The following WWOX variants were observed in gnomAD, a reference collection of about 807,000 sequenced individuals.
WWOX encodes WW domain containing oxidoreductase.
A neutral mutation model predicts 46.2 loss-of-function variants in WWOX; 69 were observed. The ratio of observed to expected loss-of-function variants is 1.49; its 90% confidence interval spans 1.23 to 1.82. WWOX has a LOEUF of 1.82. Ranked by LOEUF, WWOX falls within the 40% of genes most tolerant of loss-of-function variation. WWOX has a pLI of 0.00. For synonymous variants in WWOX, 359 were observed against 202.6 expected (o/e 1.77, Z -6.56); for missense variants, 919 against 542.6 (o/e 1.69, Z -6.89).
intron 8 of WWOX, chr16:78,896,617 C>G (rs1439083271): frequency 6.6e-6 from 1 of 152,102 alleles, no homozygotes; most frequent in East Asian, 1.9e-4. Flanking sequence ...TTGATGTACT[C>G]AGATAGTAAT....
chr16:78,650,470 C>A (rs537072991), intron 8 of WWOX, among the ~76,000 whole-genome samples: 50 of 152,274 alleles, frequency 3.3e-4, no homozygotes, highest in African/African-American at 1.2e-3. Flanking sequence ...ATGACATCAG[C>A]CTGCCCATGC....
At chr16:78,259,691 A>C (rs2151835466) in intron 5 of WWOX, among the ~76,000 whole-genome samples, 1 of 151,670 alleles carries the variant, frequency 6.6e-6, no homozygotes, top group East Asian at 1.9e-4. Flanking sequence ...AGAAGTGGGC[A>C]TTCTAATATA....
chr16:79,088,447 G>A (rs540788164), intron 8 of WWOX, among the ~76,000 whole-genome samples: 1 of 152,322 alleles, frequency 6.6e-6, no homozygotes, highest in South Asian at 2.1e-4. Flanking sequence ...TGGGCAGCCT[G>A]ATGAGCACAG....
intron 8 of WWOX, among the ~76,000 whole-genome samples, chr16:79,013,247 A>C (rs1459320689): frequency 6.6e-6 from 1 of 152,080 alleles, no homozygotes; most frequent in Non-Finnish European, 1.5e-5. Flanking sequence ...CACAGGGTCG[A>C]GAGTGAATGC....
At chr16:78,207,801 T>G (rs2036442621) in intron 5 of WWOX, among the ~76,000 whole-genome samples, 1 of 151,744 alleles carries the variant, frequency 6.6e-6, no homozygotes, top group South Asian at 2.1e-4. Context: ...CAACCATGCT[T>G]TTTTATTTTA....
intron 8 of WWOX, among the ~76,000 whole-genome samples, chr16:79,123,139 G>A (rs148186890): frequency 3.3e-4 from 51 of 152,240 alleles, no homozygotes; most frequent in African/African-American, 1.2e-3. Flanking sequence ...GTTTGGGTAG[G>A]GAAGCAACAG....
intron 4 of WWOX, among the ~76,000 whole-genome samples, chr16:78,137,134 C>T (rs970823969): frequency 5.9e-5 from 9 of 152,190 alleles, no homozygotes; most frequent in Non-Finnish European, 8.8e-5. Flanking sequence ...GAGATCCCTT[C>T]ACCCAGAAAG....
intron 8 of WWOX, among the ~76,000 whole-genome samples, chr16:79,007,610 C>T (rs140626638): frequency 1.3e-5 from 2 of 152,198 alleles, no homozygotes; most frequent in Non-Finnish European, 2.9e-5. Flanking sequence ...TTTGCAGAAG[C>T]TAAGCACTTT....
At position 78,835,327 on chromosome 16, in the gene WWOX, A is replaced by C. The variant is rs915997442; in HGVS notation, c.1057-376281A>C. 4.6e-5 allele frequency among the ~76,000 whole-genome samples: 7 copies of C among 152,226 alleles called. No homozygotes were observed. The East Asian group carries it at 1.3e-3, about 29-fold the overall frequency. ...ACTACACCATTCAAAGCGTTGTGCA[A>C]AATATTCTAGTAGTAAATAGAGGCT... On this transcript the variant is annotated intron_variant, in intron 8 of 8. Coordinates refer to ENST00000566780, the MANE Select transcript of WWOX (RefSeq NM_016373.4).
chr16:79,118,579 A>G (rs774111151), intron 8 of WWOX, among the ~76,000 whole-genome samples: 1 of 152,234 alleles, frequency 6.6e-6, no homozygotes, highest in Non-Finnish European at 1.5e-5. Context: ...AAAGTGCAAT[A>G]AAAGGAAATG....
chr16:78,510,085 G>C lies in WWOX; in HGVS notation c.1056+77333G>C, dbSNP rs905505078. The stretch of plus-strand genomic sequence containing the variant: ...TCCAAGTCTGTCTGTCTGTCTGTCT[G>C]TCTGTCTGTCTGTCTCTCTCGGAAA... On this transcript the variant is annotated intron_variant, in intron 8 of 8. Transcript: ENST00000566780. Among the ~76,000 whole-genome samples, 14 of 152,104 alleles carry C rather than the reference G, an allele frequency of 9.2e-5. No individual in the cohort carries two copies. In the East Asian group the frequency reaches 2.3e-3, roughly 25 times the overall value.
intron 8 of WWOX, among the ~76,000 whole-genome samples, chr16:78,916,928 G>C (rs1170026669): frequency 6.6e-6 from 1 of 152,078 alleles, no homozygotes; most frequent in Non-Finnish European, 1.5e-5. Context: ...GGTAAAGCTT[G>C]ACCCAGGGGC....
At chr16:78,935,274 A>G (rs900117983) in intron 8 of WWOX, among the ~76,000 whole-genome samples, 1 of 152,218 alleles carries the variant, frequency 6.6e-6, no homozygotes, top group Admixed American at 6.5e-5. Flanking sequence ...AAAGGATTAT[A>G]TATCATGCTG....
chr16:78,916,440 G>T (rs2045253888), intron 8 of WWOX, among the ~76,000 whole-genome samples: 1 of 152,176 alleles, frequency 6.6e-6, no homozygotes, highest in South Asian at 2.1e-4. Flanking sequence ...GGTATAATTA[G>T]CCACAATTAT....
At chr16:78,458,258 G>GT (rs78333090) in intron 8 of WWOX, among the ~76,000 whole-genome samples, 36 of 120,952 alleles carry the variant, frequency 3.0e-4, no homozygotes, top group South Asian at 7.8e-4. Flanking sequence ...CATTGGTATA[G>GT]TTTTTTTTTT....
At chr16:79,210,523 C>T (rs2051692540) in intron 8 of WWOX, among the ~76,000 whole-genome samples, 1 of 152,154 alleles carries the variant, frequency 6.6e-6, no homozygotes, top group Admixed American at 6.5e-5. Context: ...CTTGTGGGGG[C>T]GAGCTTATCT....
At chr16:78,662,428 T>C (rs1324793990) in intron 8 of WWOX, among the ~76,000 whole-genome samples, 1 of 152,084 alleles carries the variant, frequency 6.6e-6, no homozygotes, top group Non-Finnish European at 1.5e-5. Context: ...TCTAGCTTTA[T>C]GTGGAGAAAA....
intron 8 of WWOX, among the ~76,000 whole-genome samples, chr16:79,002,884 T>C (rs567603183): frequency 2.4e-4 from 36 of 152,326 alleles, no homozygotes; most frequent in African/African-American, 8.2e-4. Context: ...TGATGAAACA[T>C]GTCAAGGGAG....
At chr16:79,188,385 T>C (rs2051062218) in intron 8 of WWOX, among the ~76,000 whole-genome samples, 1 of 152,158 alleles carries the variant, frequency 6.6e-6, no homozygotes, top group South Asian at 2.1e-4. Flanking sequence ...TCTCTCTCTT[T>C]TTTCGGTAAC....
Sources: gnomAD v4.1 joint callset for allele counts (sites outside exome capture counted in the v4.1 genomes callset) on GRCh38, gnomAD v4.1.1 for gene constraint, MANE v1.5 for transcripts, NCBI Gene and HGNC (gene_info 2026-07-23, HGNC 2026-07-21) for gene names.